The following CBFA2T3 variants were observed in gnomAD, a reference collection of about 807,000 sequenced individuals.
The protein encoded by CBFA2T3 is transcriptional corepressor CBFA2T3.
In CBFA2T3, 31 loss-of-function variants were observed where a neutral mutation model predicts 58.6. The observed-to-expected ratio is 0.53, with a 90% CI of 0.40 to 0.71. The LOEUF is 0.71. Among genes scored for constraint, CBFA2T3 ranks in the 30% least tolerant of loss-of-function variants. The pLI, the probability that CBFA2T3 is intolerant of heterozygous loss-of-function variation, is 0.00. For missense variants in CBFA2T3, 1,076 were observed against 963.1 expected (o/e 1.12, Z -1.55); for synonymous variants, 531 against 421.9 (o/e 1.26, Z -3.17).
At chr16:88,945,815 G>A (rs1026538696) in intron 1 of CBFA2T3, among the ~76,000 whole-genome samples, 1 of 152,136 alleles carries the variant, frequency 6.6e-6, no homozygotes, top group African/African-American at 2.4e-5. Context: ...ACGTTTCTTG[G>A]TATTTACCCA....
chr16:88,943,025 C>T (rs940220446), intron 1 of CBFA2T3, among the ~76,000 whole-genome samples: 2 of 152,208 alleles, frequency 1.3e-5, no homozygotes, highest in African/African-American at 2.4e-5. Flanking sequence ...GCTTCATGGA[C>T]TCTGAGGCAC....
At chr16:88,925,981 T>C (rs114678813) in intron 1 of CBFA2T3, among the ~76,000 whole-genome samples, 1,771 of 152,334 alleles carry the variant, frequency 0.012, 41 homozygotes, top group African/African-American at 0.04. Context: ...TCCCACAGGC[T>C]GCAGCCTCGA....
At chr16:88,901,436 A>G (rs1970092868) in intron 2 of CBFA2T3, 68 bp downstream of exon 2, 1 of 789,350 alleles carries the variant, frequency 1.3e-6, no homozygotes, top group Non-Finnish European at 1.9e-6. Flanking sequence ...GGAAGCTCAG[A>G]ATTTCAAACA....
At chr16:88,901,778 C>A in intron 1 of CBFA2T3, 122 bp from the exon 2 acceptor site, 1 of 822,826 alleles carries the variant, frequency 1.2e-6, no homozygotes, top group Non-Finnish European at 1.8e-6. Flanking sequence ...GGGCAGTCTG[C>A]CCCAGGTGTC....
At chr16:88,913,510 C>G (rs942096106) in intron 1 of CBFA2T3, among the ~76,000 whole-genome samples, 22 of 152,192 alleles carry the variant, frequency 1.4e-4, no homozygotes, top group African/African-American at 5.1e-4. Flanking sequence ...GAGAGACAAT[C>G]AAATTTCACA....
intron 2 of CBFA2T3, among the ~76,000 whole-genome samples, chr16:88,900,475 T>C (rs1970054064): frequency 6.6e-6 from 1 of 152,158 alleles, no homozygotes; most frequent in South Asian, 2.1e-4. Flanking sequence ...AGCCACCCGG[T>C]GCTCTGAGGA....
Position 88,976,557 on chromosome 16 carries a change from C to T in CBFA2T3, c.151+100G>A, listed in dbSNP as rs145263600. 4.1e-4 allele frequency: 369 copies of T among 909,300 alleles called. 2 individuals are homozygous for T. In the African/African-American group the frequency reaches 5.4e-3, roughly 13 times the overall value. 56.3% of individuals were successfully genotyped at this position (909,300 alleles called of 1,614,324 possible). A position where few individuals can be genotyped will look rare whatever the true frequency, so the allele number is the denominator to read the frequency against. ...CGGCCATCCGTGCCGGCACTGTCAA[C>T]TAAGCTGGGCAGGCCCCGCGAAGCT... On this transcript the variant is annotated intron_variant, in intron 1 of 11. Coordinates refer to ENST00000268679, the MANE Select transcript of CBFA2T3 (RefSeq NM_005187.6).
intron 1 of CBFA2T3, among the ~76,000 whole-genome samples, chr16:88,912,711 G>A (rs1046270998): frequency 2.0e-5 from 3 of 152,224 alleles, no homozygotes; most frequent in Non-Finnish European, 2.9e-5. Flanking sequence ...GCTGACTGGC[G>A]CATAAGGACA....
chr16:88,976,317 A>AC (rs565817303), intron 1 of CBFA2T3, among the ~76,000 whole-genome samples: 16 of 151,062 alleles, frequency 1.1e-4, no homozygotes, highest in African/African-American at 2.2e-4. Flanking sequence ...TCTTTCTAGG[A>AC]CCCCCCCATC....
rs568800341 is a variant in CBFA2T3 at position 88,927,673 on chromosome 16, C to T, written c.152-26017G>A. 2.6e-5 allele frequency among the ~76,000 whole-genome samples: 4 copies of T among 152,270 alleles called. No homozygotes were observed. In the East Asian group the frequency reaches 5.8e-4, roughly 22 times the overall value. ...GGGGTTCAGCTGTCACAGAGGGAGC[C>T]GGGGAAGCCAGCACTGCCTGGGATG... On this transcript the variant is annotated intron_variant, in intron 1 of 11. Transcript: ENST00000268679.
At chr16:88,894,866 G>A (rs1969824480) in intron 3 of CBFA2T3, among the ~76,000 whole-genome samples, 1 of 152,376 alleles carries the variant, frequency 6.6e-6, no homozygotes, top group South Asian at 2.1e-4. Context: ...CTTTCTACAG[G>A]ATGGAGACGC....
At chr16:88,911,517 G>A (rs921205866) in intron 1 of CBFA2T3, among the ~76,000 whole-genome samples, 5 of 152,258 alleles carry the variant, frequency 3.3e-5, no homozygotes, top group African/African-American at 1.2e-4. Context: ...GACAGGGGCA[G>A]GGAGGGAACG....
chr16:88,944,110 G>A (rs923129171), intron 1 of CBFA2T3, among the ~76,000 whole-genome samples: 4 of 152,116 alleles, frequency 2.6e-5, no homozygotes, highest in Admixed American at 6.6e-5. Flanking sequence ...GGCCGAGGCC[G>A]GCGGATCATG....
At chr16:88,927,603 G>A (rs952532860) in intron 1 of CBFA2T3, among the ~76,000 whole-genome samples, 10 of 152,198 alleles carry the variant, frequency 6.6e-5, no homozygotes, top group Non-Finnish European at 1.2e-4. Context: ...GCAGCCTGCA[G>A]GTGATAATCT....
In CBFA2T3 at chr16:88,918,712, A is replaced by C. The variant is rs557421311; in HGVS notation, c.152-17056T>G. Among the ~76,000 whole-genome samples, 27 of 152,310 alleles carry C rather than the reference A, an allele frequency of 1.8e-4. No individual in the cohort carries two copies. The South Asian group carries it at 5.2e-3, about 29-fold the overall frequency. On this transcript the variant is annotated intron_variant, in intron 1 of 11. Coordinates refer to ENST00000268679, the MANE Select transcript of CBFA2T3 (RefSeq NM_005187.6). ...CCAGAACATTCTGTCTTCTTGCCCT[A>C]AGAACTTTTGAAATGTCCCAGAAGT...
intron 1 of CBFA2T3, chr16:88,941,942 C>T (rs1421765232): frequency 6.6e-6 from 1 of 150,966 alleles, no homozygotes; most frequent in Non-Finnish European, 1.5e-5. Context: ...CGCTCGCCCC[C>T]AGCGCGGCGC....
intron 1 of CBFA2T3, among the ~76,000 whole-genome samples, chr16:88,913,230 G>A (rs1490460025): frequency 2.0e-5 from 3 of 152,208 alleles, no homozygotes; most frequent in Non-Finnish European, 4.4e-5. Context: ...ACGTGAACAC[G>A]CCCAAGATGA....
intron 1 of CBFA2T3, among the ~76,000 whole-genome samples, chr16:88,959,848 A>G (rs1210407223): frequency 6.6e-6 from 1 of 152,134 alleles, no homozygotes; most frequent in Non-Finnish European, 1.5e-5. Flanking sequence ...CAACATGGTG[A>G]AACTCCATCT....
chr16:88,967,390 C>T (rs890904095), intron 1 of CBFA2T3, among the ~76,000 whole-genome samples: 5 of 152,030 alleles, frequency 3.3e-5, no homozygotes. Flanking sequence ...GGCAGGATGC[C>T]TGGGGACGGC....
Sources: allele counts gnomAD v4.1 joint callset (sites outside exome capture counted in the v4.1 genomes callset), GRCh38; gene constraint gnomAD v4.1.1; transcripts MANE v1.5; gene names NCBI Gene and HGNC (gene_info 2026-07-23, HGNC 2026-07-21).